The following TENM2 variants were observed in gnomAD, a reference collection of about 807,000 sequenced individuals.
The protein encoded by TENM2 is teneurin transmembrane protein 2, also known as teneurin-2.
In TENM2, 52 loss-of-function variants were observed where a neutral mutation model predicts 245.2. The observed-to-expected ratio is 0.21, with a 90% CI of 0.17 to 0.27. The LOEUF is 0.27. Ranked by LOEUF, TENM2 falls within the 10% of genes least tolerant of loss-of-function variation. TENM2 has a pLI of 1.00. For synonymous variants in TENM2, 1,363 were observed against 1,438.9 expected (o/e 0.95, Z 1.19); for missense variants, 3,046 against 3,666.8 (o/e 0.83, Z 4.37).
chr5:166,986,815 T>C, the TENM2 span, among the ~76,000 whole-genome samples: 1 of 152,226 alleles, frequency 6.6e-6, no homozygotes, highest in Non-Finnish European at 1.5e-5. Context: ...CTGTAGATTA[T>C]CCTTTTGTCA....
Position 167,504,624 on chromosome 5 carries a change from T to A in TENM2, c.502+129151T>A, listed in dbSNP as rs528066286. ...TGGGAGGTGGAAGACCAGGAAGAGC[T>A]GTGTGGCTCTGCAGCTGGGGATAGT... On this transcript the variant is annotated intron_variant, in intron 2 of 28. Coordinates refer to ENST00000518659, the Ensembl canonical transcript of TENM2. Among the ~76,000 whole-genome samples the A allele has an allele frequency of 7.2e-5, 11 of 152,306 alleles. No individual in the cohort carries two copies. The East Asian group carries it at 1.7e-3, about 24-fold the overall frequency.
the TENM2 span, among the ~76,000 whole-genome samples, chr5:166,988,454 T>C: frequency 1.3e-5 from 2 of 152,226 alleles, no homozygotes; most frequent in African/African-American, 4.8e-5. Flanking sequence ...GGGACTATTA[T>C]TTACCACTCA....
intron 2 of TENM2, among the ~76,000 whole-genome samples, chr5:167,713,560 G>A (rs1006598318): frequency 2.0e-5 from 3 of 151,912 alleles, no homozygotes; most frequent in South Asian, 2.1e-4. Context: ...TCAGGCATGC[G>A]CACACCCCCA....
chr5:167,641,455 G>GA (rs1779608901), intron 2 of TENM2, among the ~76,000 whole-genome samples: 1 of 152,008 alleles, frequency 6.6e-6, no homozygotes, highest in South Asian at 2.1e-4. Context: ...GATGGTTCAG[G>GA]AAAAACAACA....
At chr5:167,712,344 A>C (rs1758967790) in intron 2 of TENM2, among the ~76,000 whole-genome samples, 1 of 152,262 alleles carries the variant, frequency 6.6e-6, no homozygotes, top group Non-Finnish European at 1.5e-5. Flanking sequence ...GAAAATTAAA[A>C]GTACAAATGT....
chr5:167,835,829 T>A (rs1486187496), intron 2 of TENM2, among the ~76,000 whole-genome samples: 3 of 152,180 alleles, frequency 2.0e-5, no homozygotes, highest in Non-Finnish European at 4.4e-5. Flanking sequence ...TACAACATAT[T>A]CCTTGGACAG....
intron 1 of TENM2, among the ~76,000 whole-genome samples, chr5:167,345,677 C>T (rs920536282): frequency 1.3e-5 from 2 of 151,942 alleles, no homozygotes; most frequent in African/African-American, 4.8e-5. Context: ...CACATAGGCC[C>T]CACTACTGCA....
At chr5:167,552,940 A>G (rs1417407312) in intron 2 of TENM2, among the ~76,000 whole-genome samples, 1 of 152,146 alleles carries the variant, frequency 6.6e-6, no homozygotes, top group Non-Finnish European at 1.5e-5. Flanking sequence ...TGAATGAATG[A>G]ATGAATGAAT....
chr5:167,640,842 C>CATATATATATATATCCATATAT lies in TENM2; in HGVS notation c.503-235130_503-235129insCCATATATATATATATATATAT, dbSNP rs1561628529. ...AAATAGAAATAGAAATATATATATC[C>CATATATATATATATCCATATAT]ATATATATATATATATCCATATATA... On this transcript the variant is annotated intron_variant, in intron 2 of 28. Transcript: ENST00000518659. Among the ~76,000 whole-genome samples, 14 of 75,488 alleles carry CATATATATATATATCCATATAT rather than the reference C, an allele frequency of 1.9e-4. 1 individual carries two copies. Among genetic ancestry groups the CATATATATATATATCCATATAT allele is most frequent in the South Asian group, 9.4e-4 (2 of 2,118 alleles). 49.5% of individuals were successfully genotyped at this position (75,488 alleles called of 152,430 possible).
At chr5:167,564,507 T>C (rs1337362801) in intron 2 of TENM2, among the ~76,000 whole-genome samples, 1 of 152,166 alleles carries the variant, frequency 6.6e-6, no homozygotes, top group East Asian at 1.9e-4. Flanking sequence ...TGTAAAAGAA[T>C]CACCCTGATT....
chr5:167,662,893 T>C (rs989958657), intron 2 of TENM2, among the ~76,000 whole-genome samples: 1 of 152,188 alleles, frequency 6.6e-6, no homozygotes, highest in African/African-American at 2.4e-5. Context: ...AGGAGTTCAG[T>C]AGACACAGTC....
chr5:167,828,976 T>C lies in TENM2; in HGVS notation c.503-47010T>C, dbSNP rs542984497. ...TTCTGCCCATCTGCCTTGCCTCTTG[T>C]CGCCTATGTTGATAGCATCTGGAGA... On this transcript the variant is annotated intron_variant, in intron 2 of 28. Transcript: ENST00000518659. 5.9e-5 allele frequency among the ~76,000 whole-genome samples: 9 copies of C among 152,346 alleles called. No homozygotes were observed. The South Asian group carries it at 1.2e-3, about 21-fold the overall frequency.
Position 168,260,266 on chromosome 5 carries a change from T to C in TENM2, c.7433-17T>C, listed in dbSNP as rs763414842. On this transcript the variant is annotated splice_polypyrimidine_tract_variant and intron_variant, in intron 27 of 28. Transcript: ENST00000518659. Reference sequence around the variant, plus strand: ...CATCATGATTTCAGAAACCTTTATTTTTGTTTTCCACCATAGATGTGAAAA... The same window carrying C: ...CATCATGATTTCAGAAACCTTTATTCTTGTTTTCCACCATAGATGTGAAAA... 14 of 1,613,566 alleles carry C rather than the reference T, an allele frequency of 8.7e-6. No homozygotes were observed. Among genetic ancestry groups the C allele is most frequent in the Non-Finnish European group, 1.1e-5 (13 of 1,179,676 alleles).
At chr5:167,415,763 C>T (rs1218624213) in intron 2 of TENM2, among the ~76,000 whole-genome samples, 1 of 152,028 alleles carries the variant, frequency 6.6e-6, no homozygotes, top group Non-Finnish European at 1.5e-5. Flanking sequence ...ATTAGGAAAA[C>T]CTAACTTCTG....
At chr5:167,588,746 A>T (rs145714143) in intron 2 of TENM2, among the ~76,000 whole-genome samples, 1 of 152,332 alleles carries the variant, frequency 6.6e-6, no homozygotes, top group East Asian at 1.9e-4. Context: ...TGTAGATAGA[A>T]CCTATGTAGA....
intron 9 of TENM2, among the ~76,000 whole-genome samples, chr5:168,111,404 C>T (rs1232812013): frequency 1.3e-5 from 2 of 152,058 alleles, no homozygotes; most frequent in African/African-American, 2.4e-5. Flanking sequence ...CCAACTAAAG[C>T]GTCTGAGTAC....
At chr5:168,167,167 A>C (rs1758373922) in intron 13 of TENM2, among the ~76,000 whole-genome samples, 1 of 152,196 alleles carries the variant, frequency 6.6e-6, no homozygotes, top group South Asian at 2.1e-4. Flanking sequence ...CCAGCTCATT[A>C]AAGTCTGAGA....
At chr5:167,019,933 T>C in the TENM2 span, among the ~76,000 whole-genome samples, 1 of 152,084 alleles carries the variant, frequency 6.6e-6, no homozygotes, top group African/African-American at 2.4e-5. Flanking sequence ...TTCTAGTTCT[T>C]TGGGGACAAG....
intron 2 of TENM2, among the ~76,000 whole-genome samples, chr5:167,491,227 T>C (rs750969368): frequency 6.6e-6 from 1 of 152,178 alleles, no homozygotes; most frequent in Non-Finnish European, 1.5e-5. Context: ...ATTTCACACA[T>C]GATTGTTAAG....
Sources: gnomAD v4.1 joint callset for allele counts (sites outside exome capture counted in the v4.1 genomes callset) on GRCh38, gnomAD v4.1.1 for gene constraint, MANE v1.5 for transcripts, NCBI Gene and HGNC (gene_info 2026-07-23, HGNC 2026-07-21) for gene names.